Variants in UBR3 observed in about 807,000 individuals in gnomAD.
UBR3 encodes E3 ubiquitin-protein ligase UBR3.
A neutral mutation model predicts 243.2 loss-of-function variants in UBR3; 85 were observed. The ratio of observed to expected loss-of-function variants is 0.35; its 90% CI spans 0.29 to 0.42. The LOEUF is 0.42. Among genes scored for constraint, UBR3 ranks in the 10% least tolerant of loss-of-function variants. The probability of loss-of-function intolerance (pLI) is 1.00; values close to 1 mark genes in which losing one functional copy is unlikely to be tolerated. For synonymous variants in UBR3, 748 were observed against 799.8 expected (o/e 0.94, Z 1.09); for missense variants, 1,686 against 2,300.8 (o/e 0.73, Z 5.47).
intron 31 of UBR3, 84 bp from the exon 32 acceptor site, chr2:170,040,798 C>T: frequency 5.0e-6 from 5 of 1,006,516 alleles, no homozygotes; most frequent in East Asian, 2.7e-5. Flanking sequence ...TATTTCTGTT[C>T]CATAGATATA....
chr2:170,027,297 TAATATCATTTA>T (rs1419048165), intron 30 of UBR3, among the ~76,000 whole-genome samples: 4 of 151,372 alleles, frequency 2.6e-5, no homozygotes, highest in Admixed American at 1.3e-4. Context: ...AAAGATGATA[TAATATCATTTA>T]AATATCATTT....
intron 1 of UBR3, among the ~76,000 whole-genome samples, chr2:169,833,554 C>G (rs1201563581): frequency 2.6e-5 from 4 of 152,138 alleles, no homozygotes; most frequent in Non-Finnish European, 5.9e-5. Context: ...GCTTTAGTTA[C>G]TCATGAGGTG....
At chr2:169,908,099 G>A (rs1264207829) in intron 10 of UBR3, among the ~76,000 whole-genome samples, 1 of 152,132 alleles carries the variant, frequency 6.6e-6, no homozygotes, top group East Asian at 1.9e-4. Context: ...CCAACATGCA[G>A]TGTCCTTTCT....
intron 1 of UBR3, among the ~76,000 whole-genome samples, chr2:169,830,119 T>G (rs900796549): frequency 2.6e-5 from 4 of 152,192 alleles, no homozygotes; most frequent in African/African-American, 4.8e-5. Flanking sequence ...TTTAATTTCT[T>G]TTTTTATTTT....
chr2:169,855,878 G>A (rs2082828121), intron 1 of UBR3, among the ~76,000 whole-genome samples: 1 of 152,224 alleles, frequency 6.6e-6, no homozygotes, highest in Admixed American at 6.5e-5. Context: ...CTCCCAGACG[G>A]GGTGGCGGCC....
chr2:170,003,435 T>C (rs1189482341), intron 27 of UBR3, among the ~76,000 whole-genome samples: 1 of 148,364 alleles, frequency 6.7e-6, no homozygotes, highest in East Asian at 2.0e-4. Flanking sequence ...CTTAAACACA[T>C]TATGCATTTT....
At chr2:169,857,064 G>GTTTTGTTTTTTTTTTTTTTTTTT (rs1255937396) in intron 1 of UBR3, among the ~76,000 whole-genome samples, 1 of 56,082 alleles carries the variant, frequency 1.8e-5, no homozygotes, top group Non-Finnish European at 3.2e-5. Context: ...ATTTTATTAT[G>GTTTTGTTTTTTTTTTTTTTTTTT]TTTTTTTTTT....
At chr2:170,075,404 C>T (rs896067945) in intron 36 of UBR3, among the ~76,000 whole-genome samples, 4 of 151,766 alleles carry the variant, frequency 2.6e-5, no homozygotes, top group Non-Finnish European at 5.9e-5. Context: ...ATGAGCACAC[C>T]CAGAGTTTGT....
chr2:169,972,306 T>C (rs2088194536), intron 24 of UBR3, among the ~76,000 whole-genome samples: 2 of 152,088 alleles, frequency 1.3e-5, no homozygotes, highest in South Asian at 2.1e-4. Flanking sequence ...CAGGACCAGA[T>C]GGATTCACAG....
intron 6 of UBR3, among the ~76,000 whole-genome samples, chr2:169,894,322 GAAAAAAAAAAAA>G (rs59525862): frequency 3.7e-4 from 29 of 78,236 alleles, no homozygotes; most frequent in East Asian, 2.1e-3. Context: ...TGACTCTTAA[GAAAAAAAAAAAA>G]AAAAAAAAAA....
chr2:170,046,069 C>T (rs573286322), intron 32 of UBR3, among the ~76,000 whole-genome samples: 10 of 151,012 alleles, frequency 6.6e-5, no homozygotes, highest in African/African-American at 1.2e-4. Flanking sequence ...TGGGTTCAAG[C>T]GATTCCCCTG....
chr2:169,890,545 A>ATATATATATATATATGTGTG (rs2084302864), intron 5 of UBR3, among the ~76,000 whole-genome samples: 1 of 48,236 alleles, frequency 2.1e-5, no homozygotes, highest in African/African-American at 8.3e-5. Context: ...AGAGAGATAT[A>ATATATATATATATATGTGTG]TATATATATA....
At chr2:170,080,353 T>C (rs1371047147) in intron 37 of UBR3, 192 bp from the exon 38 acceptor site, 2 of 684,358 alleles carry the variant, frequency 2.9e-6, no homozygotes, top group Non-Finnish European at 4.6e-6. Flanking sequence ...ATTGCTTTAC[T>C]AGATATTCCT....
At chr2:170,041,296 T>C (rs2090962649) in intron 32 of UBR3, among the ~76,000 whole-genome samples, 1 of 152,172 alleles carries the variant, frequency 6.6e-6, no homozygotes, top group Admixed American at 6.5e-5. Flanking sequence ...AAAATGACAA[T>C]GAAAAAGTGT....
intron 33 of UBR3, 94 bp downstream of exon 33, chr2:170,055,678 T>A (rs896816558): frequency 1.4e-6 from 2 of 1,453,576 alleles, no homozygotes; most frequent in African/African-American, 1.4e-5. Context: ...ACAAAATGAG[T>A]TATTGGTATT....
intron 10 of UBR3, among the ~76,000 whole-genome samples, chr2:169,912,402 C>T (rs12998883): frequency 0.42 from 63,502 of 152,036 alleles, 15,056 homozygotes; most frequent in Non-Finnish European, 0.54. Flanking sequence ...CACTAATCTT[C>T]TTTCAACCTT....
At chr2:169,932,076 AT>A (rs140968517) in intron 18 of UBR3, among the ~76,000 whole-genome samples, 63,093 of 145,834 alleles carry the variant, frequency 0.43, 13,224 homozygotes, top group South Asian at 0.54. Context: ...TAGCTCATTA[AT>A]TTTTTTTTTT....
chr2:169,931,329 T>C (rs10187316), intron 18 of UBR3, among the ~76,000 whole-genome samples: 203 of 117,404 alleles, frequency 1.7e-3, no homozygotes, highest in African/African-American at 6.5e-3. Flanking sequence ...CCAGCCTGGG[T>C]GACAGAGCGA....
chr2:169,997,785 G>GGGTA (rs1466981068), intron 26 of UBR3, among the ~76,000 whole-genome samples: 1 of 152,128 alleles, frequency 6.6e-6, no homozygotes, highest in Admixed American at 6.5e-5. Context: ...GCCTGAAAAT[G>GGGTA]GGTAGCTGCC....
Sources: gnomAD v4.1 joint callset for allele counts (sites outside exome capture counted in the v4.1 genomes callset) on GRCh38, gnomAD v4.1.1 for gene constraint, MANE v1.5 for transcripts, NCBI Gene and HGNC (gene_info 2026-07-23, HGNC 2026-07-21) for gene names.